The following OPCML variants were observed in gnomAD, a reference collection of about 807,000 sequenced individuals.
OPCML encodes opioid binding protein/cell adhesion molecule like.
A neutral mutation model predicts 37.8 loss-of-function variants in OPCML; 13 were observed. That is an observed-to-expected ratio of 0.34 (90% confidence interval 0.22 to 0.55). OPCML has a LOEUF of 0.55. Among genes scored for constraint, OPCML ranks in the 20% least tolerant of loss-of-function variants. OPCML has a pLI of 0.91. For synonymous variants in OPCML, 176 were observed against 168.8 expected, an observed-to-expected ratio of 1.04 and a Z score of -0.33; for missense variants, 341 against 435.6, an observed-to-expected ratio of 0.78 and a Z score of 1.93.
intron 1 of OPCML, among the ~76,000 whole-genome samples, chr11:133,384,847 G>A (rs893303798): frequency 5.3e-5 from 8 of 152,254 alleles, no homozygotes; most frequent in Admixed American, 2.6e-4. Flanking sequence ...TGGATGATAG[G>A]CAGATGGCTG....
At chr11:133,475,226 T>TG in intron 1 of OPCML, among the ~76,000 whole-genome samples, 1 of 96,048 alleles carries the variant, frequency 1.0e-5, no homozygotes, top group East Asian at 2.5e-4. Flanking sequence ...TTTTTGTTGT[T>TG]TTTTTGTTGT....
intron 1 of OPCML, among the ~76,000 whole-genome samples, chr11:133,233,244 T>C (rs942153143): frequency 3.9e-5 from 6 of 152,310 alleles, no homozygotes; most frequent in South Asian, 2.1e-4. Flanking sequence ...CCACCCTTTG[T>C]AGGAAGGATG....
intron 1 of OPCML, among the ~76,000 whole-genome samples, chr11:133,450,605 G>A (rs777748984): frequency 9.9e-5 from 15 of 151,686 alleles, no homozygotes; most frequent in Non-Finnish European, 1.9e-4. Flanking sequence ...AAAAACAAGC[G>A]AGTGAGAGAG....
chr11:133,399,961 A>G (rs1945367417), intron 1 of OPCML, among the ~76,000 whole-genome samples: 1 of 152,008 alleles, frequency 6.6e-6, no homozygotes, highest in Non-Finnish European at 1.5e-5. Context: ...GGCAAGCTAG[A>G]CTAACCTTCC....
At chr11:132,896,449 G>A (rs2136480296) in intron 2 of OPCML, among the ~76,000 whole-genome samples, 1 of 152,348 alleles carries the variant, frequency 6.6e-6, no homozygotes, top group South Asian at 2.1e-4. Flanking sequence ...GGGACCAAGT[G>A]ACGGCACTCA....
intron 1 of OPCML, among the ~76,000 whole-genome samples, chr11:133,432,433 T>C (rs1342061260): frequency 1.3e-5 from 2 of 152,152 alleles, no homozygotes; most frequent in East Asian, 3.9e-4. Flanking sequence ...TGGAGTGCAG[T>C]AGTGTGATCA....
chr11:132,943,306 T>G lies in OPCML; in HGVS notation c.62-296A>C. 2 of 657,996 alleles carry G rather than the reference T, an allele frequency of 3.0e-6. No homozygotes were observed. Among genetic ancestry groups the G allele is most frequent in the Non-Finnish European group, 2.5e-6 (1 of 395,938 alleles). The allele number at this position is 657,996 out of a possible 1,614,324, so 40.8% of individuals were successfully genotyped here. A position where few individuals can be genotyped will look rare whatever the true frequency, so the allele number is the denominator to read the frequency against. ...AGCTTTCCAGCCTAGCAGAACCAGA[T>G]GCCCCCTCCTGCATCCAAAAAGAGC... is the stretch of plus-strand genomic sequence containing the variant. On this transcript the variant is annotated intron_variant, in intron 1 of 7. Coordinates refer to ENST00000524381, the MANE Select transcript of OPCML (RefSeq NM_001012393.5). This position sits in a 1 kb window ranked among gnomAD's most constrained non-coding sequence, Gnocchi z 4.3.
intron 2 of OPCML, among the ~76,000 whole-genome samples, chr11:132,804,705 A>C (rs1166372798): frequency 6.6e-6 from 1 of 152,188 alleles, no homozygotes; most frequent in Non-Finnish European, 1.5e-5. Context: ...CGAAGCCCTG[A>C]CAAGATCCAA....
chr11:132,484,383 A>G (rs536778885), intron 4 of OPCML, among the ~76,000 whole-genome samples: 216 of 152,348 alleles, frequency 1.4e-3, no homozygotes, highest in Middle Eastern at 0.01. Context: ...ATCTCACACC[A>G]GTTAGAATGG....
chr11:132,611,555 G>A (rs1026824190), intron 3 of OPCML, among the ~76,000 whole-genome samples: 1 of 152,108 alleles, frequency 6.6e-6, no homozygotes, highest in African/African-American at 2.4e-5. Context: ...TGAGGACAAG[G>A]TTTTTATCTC....
At chr11:132,752,572 T>C (rs930693019) in intron 2 of OPCML, among the ~76,000 whole-genome samples, 1 of 151,788 alleles carries the variant, frequency 6.6e-6, no homozygotes, top group East Asian at 1.9e-4. Flanking sequence ...AAAGAATCTG[T>C]AGAAGTTGAT....
intron 1 of OPCML, chr11:133,024,987 C>T: frequency 2.0e-6 from 2 of 985,328 alleles, no homozygotes; most frequent in Non-Finnish European, 2.4e-6. Context: ...TAACACACTG[C>T]CCTGATAATT....
At chr11:132,858,896 T>TCTAA (rs1215696977) in intron 2 of OPCML, among the ~76,000 whole-genome samples, 1 of 152,172 alleles carries the variant, frequency 6.6e-6, no homozygotes, top group African/African-American at 2.4e-5. Context: ...ATGCAAAAGA[T>TCTAA]CTAAGTAGCA....
At chr11:133,087,744 G>T (rs1469772421) in intron 1 of OPCML, among the ~76,000 whole-genome samples, 1 of 152,202 alleles carries the variant, frequency 6.6e-6, no homozygotes, top group Non-Finnish European at 1.5e-5. Context: ...TGCTGCTCTT[G>T]ACTAGAACCC....
At chr11:132,576,008 T>C (rs2096449697) in intron 3 of OPCML, among the ~76,000 whole-genome samples, 1 of 152,150 alleles carries the variant, frequency 6.6e-6, no homozygotes, top group African/African-American at 2.4e-5. Flanking sequence ...CACACTTGTA[T>C]GTAACCAGTT....
At chr11:133,340,209 G>T (rs564738555) in intron 1 of OPCML, among the ~76,000 whole-genome samples, 2 of 152,338 alleles carry the variant, frequency 1.3e-5, no homozygotes, top group African/African-American at 4.8e-5. Flanking sequence ...GTCTCTGAGT[G>T]TACAAGAAAT....
At chr11:132,995,716 G>A (rs1016326565) in intron 1 of OPCML, among the ~76,000 whole-genome samples, 2 of 152,138 alleles carry the variant, frequency 1.3e-5, no homozygotes, top group Non-Finnish European at 2.9e-5. Flanking sequence ...CCTCCTGTGA[G>A]GGCTAAAACC....
chr11:132,938,844 A>G (rs920607908), intron 2 of OPCML, among the ~76,000 whole-genome samples: 2 of 152,202 alleles, frequency 1.3e-5, no homozygotes, highest in African/African-American at 4.8e-5. Flanking sequence ...GCTTTAGAGC[A>G]GTGTTCTCAA....
At chr11:133,274,767 G>A (rs1346360102) in intron 1 of OPCML, among the ~76,000 whole-genome samples, 1 of 152,150 alleles carries the variant, frequency 6.6e-6, no homozygotes, top group Non-Finnish European at 1.5e-5. Flanking sequence ...CTTCAGTCAC[G>A]AGCTTTTACA....
Sources: gnomAD v4.1 joint callset for allele counts (sites outside exome capture counted in the v4.1 genomes callset) on GRCh38, gnomAD v4.1.1 for gene constraint, Gnocchi (gnomAD v3.1) non-coding constraint, MANE v1.5 for transcripts, NCBI Gene and HGNC (gene_info 2026-07-23, HGNC 2026-07-21) for gene names.